Variants in ST3GAL2 observed in about 807,000 individuals in gnomAD.
ST3GAL2 encodes CMP-N-acetylneuraminate-beta-galactosamide-alpha-2,3-sialyltransferase 2.
Under a neutral mutation model 37.5 loss-of-function variants are expected in ST3GAL2, and 16 were observed. That is an observed-to-expected ratio of 0.43 (90% confidence interval 0.29 to 0.65). ST3GAL2 has a LOEUF of 0.65. Among genes scored for constraint, ST3GAL2 ranks in the 30% least tolerant of loss-of-function variants. The probability of loss-of-function intolerance (pLI) is 0.17; values close to 1 mark genes in which losing one functional copy is unlikely to be tolerated. For missense variants in ST3GAL2, 383 were observed against 487.8 expected, an observed-to-expected ratio of 0.79 and a Z score of 2.02; for synonymous variants, 238 against 202.9, an observed-to-expected ratio of 1.17 and a Z score of -1.47.
At chr16:70,405,047 AC>A (rs1197102165) in intron 1 of ST3GAL2, among the ~76,000 whole-genome samples, 2 of 151,614 alleles carry the variant, frequency 1.3e-5, no homozygotes, top group South Asian at 2.1e-4. Context: ...AAAAAAAAAA[AC>A]ACCTCATACA....
chr16:70,398,600 G>A lies in ST3GAL2; in HGVS notation c.-70C>T, dbSNP rs371530556. 1.8e-5 allele frequency: 26 copies of A among 1,428,662 alleles called. No individual in the cohort carries two copies. In the East Asian group the frequency reaches 3.2e-4, roughly 18 times the overall value. The allele number at this position is 1,428,662 out of a possible 1,614,324, so 88.5% of individuals were successfully genotyped here. A position where few individuals can be genotyped will look rare whatever the true frequency, so the allele number is the denominator to read the frequency against. Reference sequence around the variant, plus strand: ...AGCCCGCTGAGGGGCCAGCCACGGCGTAGCCTGCCTATTCTGGCACCACAT... The same window carrying A: ...AGCCCGCTGAGGGGCCAGCCACGGCATAGCCTGCCTATTCTGGCACCACAT... On this transcript the variant is annotated 5_prime_UTR_variant, in exon 2 of 7. In the 5' UTR this introduces an upstream ATG that the reference lacks. Transcript: ENST00000342907.
chr16:70,415,403 A>T (rs1257992757), intron 1 of ST3GAL2, among the ~76,000 whole-genome samples: 1 of 152,242 alleles, frequency 6.6e-6, no homozygotes. Flanking sequence ...AGGTCACAAG[A>T]AACGGATAAA....
intron 1 of ST3GAL2, among the ~76,000 whole-genome samples, chr16:70,414,553 G>T (rs1001637987): frequency 2.6e-5 from 4 of 152,198 alleles, no homozygotes; most frequent in African/African-American, 9.7e-5. Flanking sequence ...TCCCCAGTCT[G>T]CCAGCACAGG....
At chr16:70,425,585 G>C (rs1247562612) in intron 1 of ST3GAL2, among the ~76,000 whole-genome samples, 5 of 152,254 alleles carry the variant, frequency 3.3e-5, no homozygotes, top group Middle Eastern at 3.4e-3. Context: ...TTGAACGTTA[G>C]AATGTAAAAT....
intron 1 of ST3GAL2, among the ~76,000 whole-genome samples, chr16:70,422,456 G>A (rs1013699228): frequency 3.9e-5 from 6 of 152,196 alleles, no homozygotes; most frequent in Non-Finnish European, 5.9e-5. Flanking sequence ...CGCTGAGCAG[G>A]AGAAGCAGAC....
At chr16:70,383,897 C>T (rs949636319) in intron 4 of ST3GAL2, among the ~76,000 whole-genome samples, 1 of 151,642 alleles carries the variant, frequency 6.6e-6, no homozygotes, top group Non-Finnish European at 1.5e-5. Context: ...TAGACCAGCC[C>T]CAACCTTCCT....
At chr16:70,426,656 C>T (rs1311272937) in intron 1 of ST3GAL2, among the ~76,000 whole-genome samples, 1 of 151,812 alleles carries the variant, frequency 6.6e-6, no homozygotes, top group African/African-American at 2.4e-5. Context: ...GGATTACAGG[C>T]ATGCACCACC....
At chr16:70,387,516 C>G (rs1417298796) in intron 4 of ST3GAL2, among the ~76,000 whole-genome samples, 1 of 151,774 alleles carries the variant, frequency 6.6e-6, no homozygotes, top group Non-Finnish European at 1.5e-5. Flanking sequence ...GATTGCGCCA[C>G]TGCACTCCAA....
At chr16:70,432,674 C>T (rs538729002) in intron 1 of ST3GAL2, among the ~76,000 whole-genome samples, 6 of 152,272 alleles carry the variant, frequency 3.9e-5, no homozygotes, top group Admixed American at 2.0e-4. Flanking sequence ...CCCCTTCTTG[C>T]GACATGTCAC....
At chr16:70,426,776 T>C (rs1597576267) in intron 1 of ST3GAL2, among the ~76,000 whole-genome samples, 1 of 152,070 alleles carries the variant, frequency 6.6e-6, no homozygotes, top group African/African-American at 2.4e-5. Flanking sequence ...TCCCAAAGTG[T>C]TGGAATTATA....
rs778095147 is a variant in ST3GAL2, at chr16:70,381,662, G to A, written c.*27C>T. On this transcript the variant is annotated 3_prime_UTR_variant, in exon 7 of 7. Coordinates refer to ENST00000342907, the MANE Select transcript of ST3GAL2 (RefSeq NM_006927.4). ...CGGAGCCCCGGTGCCCGATAGATGGGCCGGAAGGGTCGCGGCGAGGCCCGG... is the reference window on the plus strand; with the variant it reads ...CGGAGCCCCGGTGCCCGATAGATGGACCGGAAGGGTCGCGGCGAGGCCCGG... The A allele has an allele frequency of 2.5e-6, 4 of 1,609,358 alleles. No individual in the cohort carries two copies. Among genetic ancestry groups the A allele is most frequent in the Non-Finnish European group, 1.7e-6 (2 of 1,178,080 alleles).
intron 1 of ST3GAL2, among the ~76,000 whole-genome samples, chr16:70,417,658 CAGA>C (rs1361659269): frequency 6.6e-6 from 1 of 152,174 alleles, no homozygotes; most frequent in Admixed American, 6.5e-5. Flanking sequence ...TTAATAGAGG[CAGA>C]AGATGAGTTG....
intron 1 of ST3GAL2, among the ~76,000 whole-genome samples, chr16:70,405,558 A>G (rs1420883408): frequency 8.5e-5 from 12 of 140,828 alleles, no homozygotes; most frequent in South Asian, 2.2e-4. Context: ...AAAAAAAAAA[A>G]AAAAAAAAGG....
intron 1 of ST3GAL2, among the ~76,000 whole-genome samples, chr16:70,420,025 T>C (rs141386131): frequency 4.1e-5 from 4 of 97,806 alleles, no homozygotes; most frequent in South Asian, 7.2e-4. Context: ...CCCCCTTCCC[T>C]TTTTTTTTTT....
chr16:70,416,574 C>T (rs1189948646), intron 1 of ST3GAL2, among the ~76,000 whole-genome samples: 1 of 151,952 alleles, frequency 6.6e-6, no homozygotes, highest in East Asian at 1.9e-4. Context: ...CTACATAAGC[C>T]CAGGGCTATA....
chr16:70,387,878 C>G (rs1007632751), intron 4 of ST3GAL2, among the ~76,000 whole-genome samples: 1 of 151,904 alleles, frequency 6.6e-6, no homozygotes, highest in Non-Finnish European at 1.5e-5. Flanking sequence ...ACTTTGGGAG[C>G]CCGAGGTAGC....
intron 1 of ST3GAL2, among the ~76,000 whole-genome samples, chr16:70,437,212 C>G (rs1192401841): frequency 6.6e-6 from 1 of 152,250 alleles, no homozygotes; most frequent in African/African-American, 2.4e-5. Context: ...AGGCCCCTGC[C>G]AGACTTGCAA....
intron 1 of ST3GAL2, among the ~76,000 whole-genome samples, chr16:70,422,024 C>T (rs369369014): frequency 5.2e-4 from 79 of 152,294 alleles, no homozygotes; most frequent in African/African-American, 1.6e-3. Context: ...TCTCAGCCCC[C>T]GAAAGTGCTG....
rs1177854911 is a variant in ST3GAL2, at chr16:70,398,339, C to A, written c.192G>T (p.Arg64Ser). 1 of 1,613,388 alleles carries A rather than the reference C, an allele frequency of 6.2e-7. No individual in the cohort carries two copies. Among genetic ancestry groups the A allele is most frequent in the African/African-American group, 1.3e-5 (1 of 74,960 alleles). ...GACAGGCACAGCTCTTGCCCGAGAGCCTCTCCTTGCTGAGGCGCTGCAGGC... is the reference window on the plus strand; with the variant it reads ...GACAGGCACAGCTCTTGCCCGAGAGACTCTCCTTGCTGAGGCGCTGCAGGC... Reference protein sequence around the residue: ...YAGLQRLSKERLSGKSCACRR... With the variant: ...YAGLQRLSKESLSGKSCACRR... The change falls in exon 2 of 7, where the codon AGG becomes AGT. Residue 64 changes from arginine (R) to serine (S), a missense_variant. By Grantham distance (110) the Arg-to-Ser change is moderately radical (BLOSUM62 -1). Around this residue, in one of 2 missense-constraint regions of ST3GAL2, gnomAD observed 223 missense variants for 239.1 expected, o/e 0.93. Coordinates refer to ENST00000342907, the MANE Select transcript of ST3GAL2 (RefSeq NM_006927.4).
Sources: gnomAD v4.1 joint callset for allele counts (sites outside exome capture counted in the v4.1 genomes callset) on GRCh38, gnomAD v4.1.1 for gene constraint, gnomAD v4.1.1 regional missense constraint, MANE v1.5 for transcripts, NCBI Gene and HGNC (gene_info 2026-07-23, HGNC 2026-07-21) for gene names.